SPSB1: variants seen among roughly 807,000 people sequenced by gnomAD.
SPSB1 encodes the protein splA/ryanodine receptor domain and SOCS box containing 1, also known as SPRY domain-containing SOCS box protein 1.
Under a neutral mutation model 21.2 loss-of-function variants are expected in SPSB1, and 8 were observed. The ratio of observed to expected loss-of-function variants is 0.38; its 90% CI spans 0.22 to 0.68. The LOEUF (loss-of-function observed/expected upper bound fraction) is 0.68, where lower values mean the gene tolerates loss of function less well. SPSB1 is among the 30% of genes least tolerant of loss of function. SPSB1 has a pLI of 0.53. For missense variants in SPSB1, 242 were observed against 377.8 expected (o/e 0.64, Z 2.98); for synonymous variants, 169 against 161.7 (o/e 1.05, Z -0.34).
intron 1 of SPSB1, among the ~76,000 whole-genome samples, chr1:9,329,211 G>A (rs934913674): frequency 2.0e-5 from 3 of 152,126 alleles, no homozygotes; most frequent in African/African-American, 7.2e-5. Context: ...CATGGGGCCC[G>A]AGCACAGCCG....
rs186396871 is a variant in SPSB1, at chr1:9,354,642, G to A, written c.-149-1101G>A. 6.6e-5 allele frequency among the ~76,000 whole-genome samples: 10 copies of A among 152,134 alleles called. No homozygotes were observed. The South Asian group carries it at 8.3e-4, about 13-fold the overall frequency. On this transcript the variant is annotated intron_variant, in intron 1 of 2. Transcript: ENST00000328089. Reference sequence around the variant, plus strand: ...AGCCTGGCCAACATGGTGAAACCCCGTCTCTACTAAAAATACAAAAATTAG... The same window carrying A: ...AGCCTGGCCAACATGGTGAAACCCCATCTCTACTAAAAATACAAAAATTAG...
In SPSB1 at chr1:9,356,622, C is replaced by T; in HGVS notation, c.694+37C>T. On this transcript the variant is annotated intron_variant, in intron 2 of 2. Transcript: ENST00000328089. The surrounding 1 kb of genome is among the most constrained non-coding windows in gnomAD (Gnocchi z 7.4). ...CTCTGCTGTCAGAGGCAATGCCCTC[C>T]CTCAGTCCCCATGGTCCTGGCTGGG... 2 of 1,553,076 alleles carry T rather than the reference C, an allele frequency of 1.3e-6. No individual in the cohort carries two copies. The highest frequency in any genetic ancestry group is 1.7e-6 in the Non-Finnish European group (2 of 1,147,298).
chr1:9,358,460 C>T (rs1640413060), intron 2 of SPSB1, among the ~76,000 whole-genome samples: 1 of 152,184 alleles, frequency 6.6e-6, no homozygotes, highest in Non-Finnish European at 1.5e-5. Context: ...AGTTCTGTGT[C>T]TGTCTCCCTA....
chr1:9,324,270 A>G lies in SPSB1; in HGVS notation c.-150+31199A>G, dbSNP rs1357747916. Among the ~76,000 whole-genome samples, 1 of 152,140 alleles carries G rather than the reference A, an allele frequency of 6.6e-6. No homozygotes were observed. Among genetic ancestry groups the G allele is most frequent in the Admixed American group, 6.5e-5 (1 of 15,278 alleles). On this transcript the variant is annotated intron_variant, in intron 1 of 2. Coordinates refer to ENST00000328089, the MANE Select transcript of SPSB1 (RefSeq NM_025106.4). This position sits in a 1 kb window ranked among gnomAD's most constrained non-coding sequence, Gnocchi z 4.3. ...TTACTACCACGTGGAGCCGGCACAT[A>G]GTGGGACTCACAGCTCTTCATGGCA...
Position 9,293,127 on chromosome 1 carries a change from G to T in SPSB1, c.-150+56G>T. On this transcript the variant is annotated intron_variant, in intron 1 of 2. Coordinates refer to ENST00000328089, the MANE Select transcript of SPSB1 (RefSeq NM_025106.4). The surrounding 1 kb of genome is among the most constrained non-coding windows in gnomAD (Gnocchi z 5.1). ...TGGGTGGGCGACCGGCCCGGGAGGG[G>T]GAGGCGCGGGGGGCCGGGCGAGGGC... 1.0e-6 allele frequency: 1 copy of T among 977,452 alleles called. No homozygotes were observed. The highest frequency in any genetic ancestry group is 1.8e-5 in the African/African-American group (1 of 56,652). The allele number at this position is 977,452 out of a possible 1,614,324, so 60.5% of individuals were successfully genotyped here.
intron 1 of SPSB1, among the ~76,000 whole-genome samples, chr1:9,307,362 G>A (rs955989114): frequency 3.9e-5 from 6 of 152,152 alleles, no homozygotes; most frequent in South Asian, 2.1e-4. Context: ...TCTTCATCCC[G>A]CCGGAAGGAA....
In SPSB1 at chr1:9,363,619, G is replaced by A. The variant is rs1476340141; in HGVS notation, c.695-3829G>A. Among the ~76,000 whole-genome samples, 1 of 152,202 alleles carries A rather than the reference G, an allele frequency of 6.6e-6. No homozygotes were observed. The highest frequency in any genetic ancestry group is 1.5e-5 in the Non-Finnish European group (1 of 68,042). Reference sequence around the variant, plus strand: ...GACTGGTGCCCCACAGGCCATGGCTGGGGCTGGGGCTGCGGTGTCAGCCAC... The same window carrying A: ...GACTGGTGCCCCACAGGCCATGGCTAGGGCTGGGGCTGCGGTGTCAGCCAC... On this transcript the variant is annotated intron_variant, in intron 2 of 2. Transcript: ENST00000328089. This position sits in a 1 kb window ranked among gnomAD's most constrained non-coding sequence, Gnocchi z 4.5.
chr1:9,305,280 C>T lies in SPSB1; in HGVS notation c.-150+12209C>T, dbSNP rs902721300. On this transcript the variant is annotated intron_variant, in intron 1 of 2. Coordinates refer to ENST00000328089, the MANE Select transcript of SPSB1 (RefSeq NM_025106.4). The surrounding 1 kb of genome is among the most constrained non-coding windows in gnomAD (Gnocchi z 4.8). ...CTTTCCAAAACCGGATCCCCTCACT[C>T]CTCCCCTCTTCCCAGGGATGTCCCC... Among the ~76,000 whole-genome samples the T allele has an allele frequency of 6.6e-6, 1 of 152,212 alleles. No homozygotes were observed. Among genetic ancestry groups the T allele is most frequent in the Non-Finnish European group, 1.5e-5 (1 of 68,032 alleles).
chr1:9,357,965 G>T (rs965573245), intron 2 of SPSB1, among the ~76,000 whole-genome samples: 1 of 152,178 alleles, frequency 6.6e-6, no homozygotes, highest in African/African-American at 2.4e-5. Flanking sequence ...TAAAGGGCAG[G>T]TTCAGCTCAG....
intron 1 of SPSB1, among the ~76,000 whole-genome samples, chr1:9,309,319 T>C (rs1176238729): frequency 1.3e-5 from 2 of 150,686 alleles, no homozygotes; most frequent in Non-Finnish European, 1.5e-5. Flanking sequence ...TGTGTGTGTG[T>C]GTGTGTGTGT....
At chr1:9,302,213 G>T (rs762654313) in intron 1 of SPSB1, among the ~76,000 whole-genome samples, 22 of 152,240 alleles carry the variant, frequency 1.4e-4, no homozygotes, top group Non-Finnish European at 2.9e-4. Flanking sequence ...GTGCCAGTTG[G>T]TAAGGGGTGG....
rs572514995 is a variant in SPSB1, at chr1:9,305,969, C to T, written c.-150+12898C>T. Among the ~76,000 whole-genome samples the T allele has an allele frequency of 6.6e-6, 1 of 152,252 alleles. No individual in the cohort carries two copies. Among genetic ancestry groups the T allele is most frequent in the African/African-American group, 2.4e-5 (1 of 41,550 alleles). The stretch of plus-strand genomic sequence containing the variant: ...CAGAGAGGCAGGAGGGCCCACAGAC[C>T]TGGGGACATTTGTGCAATTGCGAGT... On this transcript the variant is annotated intron_variant, in intron 1 of 2. Coordinates refer to ENST00000328089, the MANE Select transcript of SPSB1 (RefSeq NM_025106.4). The surrounding 1 kb of genome is among the most constrained non-coding windows in gnomAD (Gnocchi z 4.8).
intron 1 of SPSB1, among the ~76,000 whole-genome samples, chr1:9,313,951 G>A (rs556111029): frequency 1.2e-4 from 19 of 152,156 alleles, no homozygotes; most frequent in African/African-American, 2.9e-4. Flanking sequence ...CTAGGCGGGC[G>A]GATCACTTGA....
Position 9,345,277 on chromosome 1 carries a change from G to A in SPSB1, c.-149-10466G>A, listed in dbSNP as rs1022999621. Among the ~76,000 whole-genome samples the A allele has an allele frequency of 1.3e-5, 2 of 152,220 alleles. No homozygotes were observed. Among genetic ancestry groups the A allele is most frequent in the East Asian group, 1.9e-4 (1 of 5,200 alleles). On this transcript the variant is annotated intron_variant, in intron 1 of 2. Coordinates refer to ENST00000328089, the MANE Select transcript of SPSB1 (RefSeq NM_025106.4). This position sits in a 1 kb window ranked among gnomAD's most constrained non-coding sequence, Gnocchi z 4.8. ...CACCAGCGTCTCTGAGCCTGTCCCC[G>A]TGGGTACCCTGTTGGTGGCTCTTTT...
intron 1 of SPSB1, among the ~76,000 whole-genome samples, chr1:9,295,184 T>C (rs1436749962): frequency 2.7e-5 from 4 of 149,946 alleles, no homozygotes; most frequent in Non-Finnish European, 4.4e-5. Context: ...CTTTACCCAG[T>C]AGATGGAGTG....
chr1:9,310,651 C>T (rs1449533535), intron 1 of SPSB1, among the ~76,000 whole-genome samples: 1 of 151,770 alleles, frequency 6.6e-6, no homozygotes. Flanking sequence ...GTTGTGATTG[C>T]ACCACTGCAC....
chr1:9,336,169 G>A (rs1018856072), intron 1 of SPSB1, among the ~76,000 whole-genome samples: 12 of 152,098 alleles, frequency 7.9e-5, no homozygotes, highest in African/African-American at 2.2e-4. Context: ...GTTATTTCTC[G>A]GGTTGTTAAC....
intron 1 of SPSB1, among the ~76,000 whole-genome samples, chr1:9,319,986 G>A (rs1639689286): frequency 6.6e-6 from 1 of 152,130 alleles, no homozygotes; most frequent in Non-Finnish European, 1.5e-5. Flanking sequence ...TCAGAGGCAG[G>A]ACCCTCGACT....
chr1:9,362,603 A>G (rs531148225), intron 2 of SPSB1, among the ~76,000 whole-genome samples: 1 of 152,134 alleles, frequency 6.6e-6, no homozygotes, highest in African/African-American at 2.4e-5. Context: ...CCTTGACCTC[A>G]CCGTTCTGCA....
Sources: gnomAD v4.1 joint callset for allele counts (sites outside exome capture counted in the v4.1 genomes callset) on GRCh38, gnomAD v4.1.1 for gene constraint, Gnocchi (gnomAD v3.1) non-coding constraint, MANE v1.5 for transcripts, NCBI Gene and HGNC (gene_info 2026-07-23, HGNC 2026-07-21) for gene names.